Variants in DPH6 observed in about 807,000 individuals in gnomAD.
DPH6 encodes diphthine--ammonia ligase.
Under a neutral mutation model 38.2 loss-of-function variants are expected in DPH6, and 33 were observed. The ratio of observed to expected loss-of-function variants is 0.86; its 90% CI spans 0.65 to 1.15. The LOEUF (loss-of-function observed/expected upper bound fraction) is 1.15, where lower values mean the gene tolerates loss of function less well. Ranked by LOEUF, DPH6 falls within the 50% of genes most tolerant of loss-of-function variation. DPH6 has a pLI of 0.00. For synonymous variants in DPH6, 108 were observed against 103.0 expected, an observed-to-expected ratio of 1.05 and a Z score of -0.30; for missense variants, 325 against 320.0, an observed-to-expected ratio of 1.02 and a Z score of -0.12.
intron 3 of DPH6, among the ~76,000 whole-genome samples, chr15:35,492,069 G>A (rs1316048865): frequency 6.6e-6 from 1 of 152,066 alleles, no homozygotes; most frequent in Non-Finnish European, 1.5e-5. Context: ...AGGCTTAAGA[G>A]CCAGAGAGCC....
intron 3 of DPH6, among the ~76,000 whole-genome samples, chr15:35,342,186 T>C (rs1246449239): frequency 2.0e-5 from 3 of 152,138 alleles, no homozygotes; most frequent in Admixed American, 6.5e-5. Flanking sequence ...GATCTCTTGC[T>C]TTGCTGGAGA....
At chr15:35,447,436 T>TC (rs199554720) in intron 5 of DPH6, among the ~76,000 whole-genome samples, 6,396 of 150,176 alleles carry the variant, frequency 0.043, 198 homozygotes, top group East Asian at 0.12. Context: ...CTCTTATACG[T>TC]CCCCCCCCGC....
intron 6 of DPH6, among the ~76,000 whole-genome samples, chr15:35,409,902 T>C (rs1302946835): frequency 6.6e-6 from 1 of 151,890 alleles, no homozygotes; most frequent in East Asian, 1.9e-4. Flanking sequence ...AGATGCTTAA[T>C]AATAATTATT....
At chr15:35,331,406 AG>A (rs2052326226) in intron 3 of DPH6, among the ~76,000 whole-genome samples, 1 of 151,526 alleles carries the variant, frequency 6.6e-6, no homozygotes, top group South Asian at 2.1e-4. Flanking sequence ...TTCCCGAAAC[AG>A]ATAAATCATG....
chr15:35,508,067 GA>G (rs35464081), intron 3 of DPH6, among the ~76,000 whole-genome samples: 2,772 of 152,212 alleles, frequency 0.018, 86 homozygotes, highest in African/African-American at 0.062. Flanking sequence ...CTGAAAGTAA[GA>G]GGCTCGGCAG....
intron 5 of DPH6, among the ~76,000 whole-genome samples, chr15:35,423,614 G>A (rs543887194): frequency 6.6e-5 from 10 of 151,232 alleles, no homozygotes; most frequent in Admixed American, 6.6e-4. Flanking sequence ...AAAAATCATT[G>A]TCCAGTCCAA....
intron 3 of DPH6, among the ~76,000 whole-genome samples, chr15:35,536,474 T>C (rs1226351899): frequency 6.6e-6 from 1 of 152,054 alleles, no homozygotes; most frequent in Non-Finnish European, 1.5e-5. Context: ...AACTGATGGT[T>C]AGCATAAAGA....
Position 35,497,299 on chromosome 15 carries a change from A to T in DPH6, c.312+40975T>A, listed in dbSNP as rs1448922176. Among the ~76,000 whole-genome samples the T allele has an allele frequency of 3.3e-5, 5 of 152,300 alleles. No individual in the cohort carries two copies. The East Asian group carries it at 9.6e-4, about 29-fold the overall frequency. On this transcript the variant is annotated intron_variant, in intron 3 of 8. Transcript: ENST00000256538. ...ATTTGTTAAATAAATTAATATGAGAAATGGGTATTAGTGAACTTATTTTTA... is the reference window on the plus strand; with the variant it reads ...ATTTGTTAAATAAATTAATATGAGATATGGGTATTAGTGAACTTATTTTTA...
At chr15:35,481,445 T>C (rs1346017572) in intron 3 of DPH6, among the ~76,000 whole-genome samples, 2 of 152,130 alleles carry the variant, frequency 1.3e-5, no homozygotes, top group African/African-American at 4.8e-5. Context: ...TTGCAATACA[T>C]GAAACTTCTT....
At chr15:35,177,604 AT>A in the DPH6 span, among the ~76,000 whole-genome samples, 95 of 123,708 alleles carry the variant, frequency 7.7e-4, 2 homozygotes, top group East Asian at 2.5e-3. Flanking sequence ...AAAAAAAATC[AT>A]CATCATCATC....
At chr15:35,167,012 G>C in the DPH6 span, among the ~76,000 whole-genome samples, 1 of 152,038 alleles carries the variant, frequency 6.6e-6, no homozygotes, top group Non-Finnish European at 1.5e-5. Context: ...GAAGAGTTTA[G>C]AGTGTCAATG....
chr15:35,530,045 T>C (rs138183002), intron 3 of DPH6, among the ~76,000 whole-genome samples: 300 of 152,316 alleles, frequency 2.0e-3, no homozygotes, highest in African/African-American at 6.8e-3. Flanking sequence ...GTTCAGGATC[T>C]ATTATTGTGT....
chr15:35,331,634 G>T (rs1331345615), intron 3 of DPH6, among the ~76,000 whole-genome samples: 1 of 152,196 alleles, frequency 6.6e-6, no homozygotes, highest in Non-Finnish European at 1.5e-5. Context: ...AGAAAGCAGA[G>T]TGAGGAGAAT....
At chr15:35,451,498 G>T (rs1463189617) in intron 4 of DPH6, among the ~76,000 whole-genome samples, 1 of 152,098 alleles carries the variant, frequency 6.6e-6, no homozygotes, top group African/African-American at 2.4e-5. Context: ...TTCTTAAGAG[G>T]ATTAAAAAAT....
At chr15:35,516,239 C>T (rs2141226569) in intron 3 of DPH6, among the ~76,000 whole-genome samples, 1 of 152,234 alleles carries the variant, frequency 6.6e-6, no homozygotes, top group Admixed American at 6.5e-5. Context: ...CTCTAAGAAC[C>T]AGATCAACAG....
chr15:35,400,090 T>C (rs2053197193), intron 6 of DPH6, among the ~76,000 whole-genome samples: 1 of 152,188 alleles, frequency 6.6e-6, no homozygotes, highest in South Asian at 2.1e-4. Context: ...AGGAGGAAAC[T>C]GACAAAATAC....
rs2052506940 is a variant in DPH6, at chr15:35,351,125, T to C, written n.208-20048A>G. On this transcript the variant is annotated intron_variant and non_coding_transcript_variant, in intron 3 of 3. Coordinates refer to the DPH6 transcript ENST00000558973. ...CACCTAATATATATAAAATTACATC[T>C]TTCTGGGAACTGACTTTTTAAATCC... 2.0e-5 allele frequency among the ~76,000 whole-genome samples: 3 copies of C among 152,192 alleles called. No homozygotes were observed. The South Asian group carries it at 6.2e-4, about 32-fold the overall frequency.
intron 3 of DPH6, among the ~76,000 whole-genome samples, chr15:35,508,120 T>G (rs1595428815): frequency 1.3e-5 from 2 of 152,224 alleles, no homozygotes; most frequent in African/African-American, 4.8e-5. Context: ...GCCGGCTGAA[T>G]GACAGTGTGC....
intron 3 of DPH6, among the ~76,000 whole-genome samples, chr15:35,236,376 C>T (rs79276744): frequency 4.6e-5 from 7 of 152,172 alleles, no homozygotes; most frequent in African/African-American, 1.2e-4. Flanking sequence ...CGGTGGCTCA[C>T]GCCTGTAATC....
Sources: allele counts gnomAD v4.1 joint callset (sites outside exome capture counted in the v4.1 genomes callset), GRCh38; gene constraint gnomAD v4.1.1; transcripts MANE v1.5; gene names NCBI Gene and HGNC (gene_info 2026-07-23, HGNC 2026-07-21).